Variants in ARHGAP31 observed in about 807,000 individuals in gnomAD.
ARHGAP31 encodes rho GTPase-activating protein 31.
Under a neutral mutation model 113.9 loss-of-function variants are expected in ARHGAP31, and 34 were observed. The observed-to-expected ratio is 0.30, with a 90% confidence interval of 0.23 to 0.40. The LOEUF is 0.40. ARHGAP31 is among the 10% of genes least tolerant of loss of function. The pLI is 1.00. For missense variants in ARHGAP31, 1,548 were observed against 1,767.1 expected, an observed-to-expected ratio of 0.88 and a Z score of 2.22; for synonymous variants, 650 against 684.8, an observed-to-expected ratio of 0.95 and a Z score of 0.79.
intron 1 of ARHGAP31, among the ~76,000 whole-genome samples, chr3:119,348,090 C>T (rs1204521066): frequency 1.3e-5 from 2 of 152,176 alleles, no homozygotes; most frequent in South Asian, 2.1e-4. Flanking sequence ...AAGCTGAGCT[C>T]CACCTCCTGT....
chr3:119,359,399 C>T (rs79881641), intron 1 of ARHGAP31, among the ~76,000 whole-genome samples: 4,841 of 151,430 alleles, frequency 0.032, 120 homozygotes, highest in East Asian at 0.11. Context: ...AAAGCCTCAA[C>T]ATATTTTTAA....
At chr3:119,366,930 C>A (rs539099367) in intron 2 of ARHGAP31, among the ~76,000 whole-genome samples, 1 of 152,098 alleles carries the variant, frequency 6.6e-6, no homozygotes, top group South Asian at 2.1e-4. Flanking sequence ...GATGAAACTC[C>A]GTCTCTACTA....
rs1432927166 is a variant in ARHGAP31 at position 119,300,696 on chromosome 3, C to T, written c.100+5692C>T. Among the ~76,000 whole-genome samples, 5 of 151,802 alleles carry T rather than the reference C, an allele frequency of 3.3e-5. No homozygotes were observed. The South Asian group carries it at 6.3e-4, about 19-fold the overall frequency. ...ATACAAAAAAAAATTAGCTGAGTGG[C>T]GGGGTCTGTTATCCCAGCTACTTGG... On this transcript the variant is annotated intron_variant, in intron 1 of 11. Coordinates refer to ENST00000264245, the MANE Select transcript of ARHGAP31 (RefSeq NM_020754.4).
intron 1 of ARHGAP31, among the ~76,000 whole-genome samples, chr3:119,354,701 A>AT (rs2080141108): frequency 1.3e-5 from 1 of 74,876 alleles, no homozygotes; most frequent in Non-Finnish European, 2.9e-5. Context: ...TTTTTTTTGT[A>AT]TTTTTTAGCA....
chr3:119,412,382 C>CTT (rs1233840660), intron 11 of ARHGAP31, among the ~76,000 whole-genome samples: 2 of 144,460 alleles, frequency 1.4e-5, no homozygotes, highest in East Asian at 4.1e-4. Flanking sequence ...AAGTGAAACT[C>CTT]TTTTGTCTCA....
chr3:119,322,476 TG>T (rs1350174386), intron 1 of ARHGAP31: 1 of 152,494 alleles, frequency 6.6e-6, no homozygotes, highest in Non-Finnish European at 1.5e-5. Context: ...CTTCTCTCAG[TG>T]GCAGCTGTGT....
intron 1 of ARHGAP31, among the ~76,000 whole-genome samples, chr3:119,318,237 C>G (rs1487120172): frequency 6.6e-6 from 1 of 152,124 alleles, no homozygotes; most frequent in Non-Finnish European, 1.5e-5. Context: ...ACCACTGTAC[C>G]CCAGCCTGGG....
intron 6 of ARHGAP31, among the ~76,000 whole-genome samples, chr3:119,386,978 T>G (rs1471418007): frequency 6.6e-6 from 1 of 152,176 alleles, no homozygotes; most frequent in South Asian, 2.1e-4. Flanking sequence ...ACTAGGAGTG[T>G]GACCACTGAA....
intron 6 of ARHGAP31, among the ~76,000 whole-genome samples, chr3:119,388,430 C>T (rs13078855): frequency 0.16 from 24,147 of 151,628 alleles, 2,032 homozygotes; most frequent in East Asian, 0.31. Context: ...TGCGAAGAGA[C>T]GGGTTTGTTC....
chr3:119,360,628 A>G (rs2080197657), intron 1 of ARHGAP31, among the ~76,000 whole-genome samples: 1 of 152,238 alleles, frequency 6.6e-6, no homozygotes, highest in African/African-American at 2.4e-5. Flanking sequence ...CATGTTATTT[A>G]TAAGTGTAAA....
chr3:119,400,464 T>A (rs78507464), intron 9 of ARHGAP31, among the ~76,000 whole-genome samples: 25,582 of 151,232 alleles, frequency 0.17, 2,350 homozygotes, highest in African/African-American at 0.24. Context: ...AAAAAAAAAA[T>A]AATAATAATT....
chr3:119,393,319 A>G, intron 7 of ARHGAP31, 148 bp from the exon 8 acceptor site: 1 of 1,078,890 alleles, frequency 9.3e-7, no homozygotes, highest in Non-Finnish European at 1.4e-6. Context: ...GGTGAGAATC[A>G]AGCTTACCTT....
intron 7 of ARHGAP31, 52 bp downstream of exon 7, chr3:119,391,035 A>G: frequency 1.3e-6 from 2 of 1,582,344 alleles, no homozygotes; most frequent in Non-Finnish European, 1.7e-6. Flanking sequence ...TGAAGAGGAA[A>G]GAGGAGGAGA....
At position 119,365,396 on chromosome 3, in the gene ARHGAP31, A is replaced by T; in HGVS notation, c.181A>T (p.Thr61Ser). 2 of 1,614,104 alleles carry T rather than the reference A, an allele frequency of 1.2e-6. No individual in the cohort carries two copies. Among genetic ancestry groups the T allele is most frequent in the Non-Finnish European group, 1.7e-6 (2 of 1,179,998 alleles). Residue 61 changes from threonine to serine, a missense_variant, in exon 2 of 12, where the codon ACC becomes TCC. Transcript: ENST00000264245. ...TGGAATCTATCGGCTTTCAGGAGTC[A>T]CCTCAAACATACAACGGCTAAGGTA... Reference protein sequence around the residue: ...VDGIYRLSGVTSNIQRLRQEF... With the variant: ...VDGIYRLSGVSSNIQRLRQEF...
chr3:119,325,776 A>G (rs1349219116), intron 1 of ARHGAP31, among the ~76,000 whole-genome samples: 1 of 152,210 alleles, frequency 6.6e-6, no homozygotes, highest in Non-Finnish European at 1.5e-5. Flanking sequence ...AGTAATTTTC[A>G]AACTTCGCTT....
At chr3:119,320,763 T>C (rs1310666757) in intron 1 of ARHGAP31, among the ~76,000 whole-genome samples, 1 of 152,176 alleles carries the variant, frequency 6.6e-6, no homozygotes, top group Non-Finnish European at 1.5e-5. Context: ...TGGCATGCCC[T>C]TCCCTTTCAC....
intron 6 of ARHGAP31, among the ~76,000 whole-genome samples, chr3:119,390,285 A>G (rs983588627): frequency 1.3e-5 from 2 of 152,224 alleles, no homozygotes; most frequent in African/African-American, 4.8e-5. Flanking sequence ...AGCCTAGATG[A>G]TCTGAAAAGT....
At chr3:119,355,261 T>A (rs2080144963) in intron 1 of ARHGAP31, among the ~76,000 whole-genome samples, 1 of 152,222 alleles carries the variant, frequency 6.6e-6, no homozygotes, top group East Asian at 1.9e-4. Context: ...AAAATGGAGA[T>A]CATTTTGTCT....
At position 119,416,854 on chromosome 3, in the gene ARHGAP31, C is replaced by G. The variant is rs145064712; in HGVS notation, c.*590C>G. 0.011 allele frequency: 1,765 copies of G among 162,898 alleles called. 115 individuals carry two copies. The highest frequency in any genetic ancestry group is 0.091 in the Admixed American group (1,547 of 17,084). The allele number at this position is 162,898 out of a possible 1,614,324, so 10.1% of individuals were successfully genotyped here. A position where few individuals can be genotyped will look rare whatever the true frequency, so the allele number is the denominator to read the frequency against. On this transcript the variant is annotated 3_prime_UTR_variant, in exon 12 of 12. Transcript: ENST00000264245. ...AAGTGGGTGAGCTTAGCCACTCTTA[C>G]CCATGCTCTTTCCCTGGAATCCCTG... is the stretch of plus-strand genomic sequence containing the variant.
Sources: gnomAD v4.1 joint callset for allele counts (sites outside exome capture counted in the v4.1 genomes callset) on GRCh38, gnomAD v4.1.1 for gene constraint, MANE v1.5 for transcripts, NCBI Gene and HGNC (gene_info 2026-07-23, HGNC 2026-07-21) for gene names.